Variants in RAP1GAP2 observed in about 807,000 individuals in gnomAD.
RAP1GAP2 encodes rap1 GTPase-activating protein 2.
In RAP1GAP2, 27 loss-of-function variants were observed where a neutral mutation model predicts 95.0. That is an observed-to-expected ratio of 0.28 (90% CI 0.21 to 0.39). The LOEUF (loss-of-function observed/expected upper bound fraction) is 0.39, where lower values mean the gene tolerates loss of function less well. Ranked by LOEUF, RAP1GAP2 falls within the 10% of genes least tolerant of loss-of-function variation. The pLI, the probability that RAP1GAP2 is intolerant of heterozygous loss-of-function variation, is 1.00. For synonymous variants in RAP1GAP2, 373 were observed against 380.9 expected, an observed-to-expected ratio of 0.98 and a Z score of 0.24; for missense variants, 771 against 970.0, an observed-to-expected ratio of 0.79 and a Z score of 2.72.
At chr17:2,766,119 G>A (rs2068271276) in intron 1 of RAP1GAP2, among the ~76,000 whole-genome samples, 2 of 152,198 alleles carry the variant, frequency 1.3e-5, no homozygotes, top group Non-Finnish European at 2.9e-5. Context: ...GGCGGCCATG[G>A]GGGCGGTGGC....
chr17:2,793,765 C>G (rs1440520938), upstream of RAP1GAP2, among the ~76,000 whole-genome samples: 1 of 152,198 alleles, frequency 6.6e-6, no homozygotes, highest in Non-Finnish European at 1.5e-5. Flanking sequence ...TCAGCTGGTT[C>G]CTGGCACAGC....
At chr17:2,875,499 A>G (rs1204946437) in intron 2 of RAP1GAP2, among the ~76,000 whole-genome samples, 1 of 152,150 alleles carries the variant, frequency 6.6e-6, no homozygotes, top group Non-Finnish European at 1.5e-5. Context: ...GATGGCGTCC[A>G]GTGTATGGCT....
chr17:3,030,802 T>C (rs1452029028), intron 22 of RAP1GAP2, 120 bp from the exon 23 acceptor site: 2 of 905,748 alleles, frequency 2.2e-6, no homozygotes, highest in Non-Finnish European at 3.5e-6. Context: ...TCAGCTAGGG[T>C]GCCTGGTCCT....
At chr17:2,953,239 C>A (rs2043980710) in intron 3 of RAP1GAP2, among the ~76,000 whole-genome samples, 1 of 151,636 alleles carries the variant, frequency 6.6e-6, no homozygotes, top group South Asian at 2.1e-4. Flanking sequence ...CACTGTGTCA[C>A]CCAGGGTAGG....
Position 2,963,394 on chromosome 17 carries a change from G to A in RAP1GAP2, c.247-36G>A, listed in dbSNP as rs1334104266. The A allele has an allele frequency of 9.3e-6, 15 of 1,613,324 alleles. No individual in the cohort carries two copies. Among genetic ancestry groups the A allele is most frequent in the African/African-American group, 8.0e-5 (6 of 74,754 alleles). ...GTGGTCAGACTTTACGGGCACTGCC[G>A]GGACTAACGGTGGCATCATCTGGTT... On this transcript the variant is annotated intron_variant, in intron 5 of 24. Coordinates refer to ENST00000254695, the MANE Select transcript of RAP1GAP2 (RefSeq NM_015085.5). The surrounding 1 kb of genome is among the most constrained non-coding windows in gnomAD (Gnocchi z 4.8).
intron 2 of RAP1GAP2, among the ~76,000 whole-genome samples, chr17:2,820,619 CAAA>C (rs528845347): frequency 5.7e-5 from 5 of 86,992 alleles, no homozygotes; most frequent in Non-Finnish European, 5.2e-5. Flanking sequence ...GACACCGTCT[CAAA>C]AAAAAAAAAA....
Position 3,035,435 on chromosome 17 carries a change from T to G in RAP1GAP2, c.*2074T>G, listed in dbSNP as rs1024828853. The G allele has an allele frequency of 6.6e-6, 1 of 152,350 alleles. No homozygotes were observed. Among genetic ancestry groups the G allele is most frequent in the African/African-American group, 2.4e-5 (1 of 41,426 alleles). 9.4% of individuals were successfully genotyped at this position (152,350 alleles called of 1,614,324 possible). ...CCAGGTTGTCACCATGCTGTCCCAT[T>G]TGGGAATCCCATACCTGCCTGTCCC... On this transcript the variant is annotated 3_prime_UTR_variant, in exon 25 of 25. Coordinates refer to ENST00000254695, the MANE Select transcript of RAP1GAP2 (RefSeq NM_015085.5). The surrounding 1 kb of genome is among the most constrained non-coding windows in gnomAD (Gnocchi z 4.3).
rs2046281243 is a variant in RAP1GAP2, at chr17:3,004,762, GC to G, written c.1201-604del. Among the ~76,000 whole-genome samples the G allele has an allele frequency of 6.6e-6, 1 of 152,246 alleles. No individual in the cohort carries two copies. Among genetic ancestry groups the G allele is most frequent in the East Asian group, 1.9e-4 (1 of 5,190 alleles). Reference sequence around the variant, plus strand: ...CCGGCTGCACGAGAGTTTCCGGGGGGCCCTACCCTTCCGATTCGGCAGGTTT... The same window carrying G: ...CCGGCTGCACGAGAGTTTCCGGGGGGCCTACCCTTCCGATTCGGCAGGTTT... On this transcript the variant is annotated intron_variant, in intron 14 of 24. Coordinates refer to ENST00000254695, the MANE Select transcript of RAP1GAP2 (RefSeq NM_015085.5). The surrounding 1 kb of genome is among the most constrained non-coding windows in gnomAD (Gnocchi z 4.1).
rs768825839 is a variant in RAP1GAP2, at chr17:3,018,120, G to A, written c.1554G>A (p.Ser518=). Residue 518 remains serine (S), a synonymous_variant, in exon 18 of 25, where the codon TCG becomes TCA. Coordinates refer to ENST00000254695, the MANE Select transcript of RAP1GAP2 (RefSeq NM_015085.5). ...METMVGGQKK[S]HSGGIPGSLS... is the part of the protein sequence containing the mutation. ...CCATGGTGGGCGGCCAGAAGAAGTC[G>A]CACAGTGGGGGCATCCCTGGCAGCC... 9 of 1,589,372 alleles carry A rather than the reference G, an allele frequency of 5.7e-6. No homozygotes were observed. Among genetic ancestry groups the A allele is most frequent in the Admixed American group, 3.5e-5 (2 of 56,674 alleles).
chr17:2,934,894 G>A (rs1340706049), intron 3 of RAP1GAP2, among the ~76,000 whole-genome samples: 8 of 152,162 alleles, frequency 5.3e-5, no homozygotes, highest in Non-Finnish European at 1.0e-4. Context: ...TTAGCTATTC[G>A]TGTGAAACAG....
chr17:2,769,366 T>C (rs2068344575), intron 1 of RAP1GAP2, among the ~76,000 whole-genome samples: 1 of 143,242 alleles, frequency 7.0e-6, no homozygotes. Flanking sequence ...CCATCCTGGC[T>C]AACACGGTGA....
rs142328104 is a variant in RAP1GAP2, at chr17:2,830,685, G to T, written c.80+30135G>T. On this transcript the variant is annotated intron_variant, in intron 2 of 24. Transcript: ENST00000254695. ...GCCGAGATCACACCACTGCACTCCA[G>T]CCTGGGCGACAGAATGAGACTCTGT... Among the ~76,000 whole-genome samples, 1,020 of 152,250 alleles carry T rather than the reference G, an allele frequency of 6.7e-3. 11 individuals are homozygous for T. The highest frequency in any genetic ancestry group is 0.023 in the African/African-American group (951 of 41,546).
At chr17:2,843,690 T>A (rs1431785237) in intron 2 of RAP1GAP2, among the ~76,000 whole-genome samples, 1 of 151,992 alleles carries the variant, frequency 6.6e-6, no homozygotes, top group African/African-American at 2.4e-5. Context: ...ATGGTTTCCG[T>A]CCAGGTTCTC....
At chr17:2,889,891 T>TATA (rs1490272485) in intron 2 of RAP1GAP2, among the ~76,000 whole-genome samples, 35 of 46,654 alleles carry the variant, frequency 7.5e-4, no homozygotes, top group South Asian at 1.8e-3. Context: ...ATATATATAT[T>TATA]TTTTTTTTTT....
chr17:2,773,725 CTATTTATTTATTTATT>C (rs58664630), upstream of RAP1GAP2, among the ~76,000 whole-genome samples: 2,343 of 147,982 alleles, frequency 0.016, 49 homozygotes, highest in African/African-American at 0.053. Flanking sequence ...ACAGTAGACA[CTATTTATTTATTTATT>C]TATTTATTTA....
intron 12 of RAP1GAP2, among the ~76,000 whole-genome samples, chr17:2,992,523 G>A (rs2045799359): frequency 6.6e-6 from 1 of 152,050 alleles, no homozygotes; most frequent in Admixed American, 6.5e-5. Context: ...GGAAAACTCT[G>A]GCCCTTGACT....
chr17:2,764,909 C>CA (rs1012721298), intron 1 of RAP1GAP2, among the ~76,000 whole-genome samples: 3 of 152,162 alleles, frequency 2.0e-5, no homozygotes, highest in African/African-American at 7.2e-5. Context: ...GTTTCTCCCA[C>CA]AGAGATGGCA....
At chr17:2,861,886 C>T (rs1239797675) in intron 2 of RAP1GAP2, among the ~76,000 whole-genome samples, 1 of 152,118 alleles carries the variant, frequency 6.6e-6, no homozygotes, top group African/African-American at 2.4e-5. Context: ...GAACTCCTGA[C>T]CCCAGGTGAT....
intron 3 of RAP1GAP2, among the ~76,000 whole-genome samples, chr17:2,946,289 T>A (rs2043695569): frequency 6.6e-6 from 1 of 152,210 alleles, no homozygotes; most frequent in Admixed American, 6.5e-5. Context: ...CCTCATAGGA[T>A]GAGTTAGGAA....
Sources: allele counts gnomAD v4.1 joint callset (sites outside exome capture counted in the v4.1 genomes callset), GRCh38; gene constraint gnomAD v4.1.1; non-coding constraint Gnocchi (gnomAD v3.1); transcripts MANE v1.5; gene names NCBI Gene and HGNC (gene_info 2026-07-23, HGNC 2026-07-21).